The following SLC39A10 variants were observed in gnomAD, a reference collection of about 807,000 sequenced individuals.
The protein encoded by SLC39A10 is zinc transporter ZIP10.
In SLC39A10, 13 loss-of-function variants were observed where a neutral mutation model predicts 65.1. That is an observed-to-expected ratio of 0.20 (90% CI 0.13 to 0.32). The LOEUF is 0.32. SLC39A10 is among the 10% of genes least tolerant of loss of function. The pLI, the probability that SLC39A10 is intolerant of heterozygous loss-of-function variation, is 1.00. For missense variants in SLC39A10, 831 were observed against 1,018.4 expected (o/e 0.82, Z 2.50); for synonymous variants, 321 against 342.2 (o/e 0.94, Z 0.68).
rs955232042 is a variant in SLC39A10 at position 195,659,875 on chromosome 2, T to C, written c.-12+2594T>C. On this transcript the variant is annotated intron_variant, in intron 1 of 9. Coordinates refer to ENST00000359634, the MANE Select transcript of SLC39A10 (RefSeq NM_020342.3). ...TTTCTCCCTCCACTCCCTCCTTGACTACCCCCAGAATGAGCTTTGATGGTC... is the reference window on the plus strand; with the variant it reads ...TTTCTCCCTCCACTCCCTCCTTGACCACCCCCAGAATGAGCTTTGATGGTC... 1.5e-4 allele frequency among the ~76,000 whole-genome samples: 23 copies of C among 152,194 alleles called. 2 individuals are homozygous for C. Among genetic ancestry groups the C allele is most frequent in the Non-Finnish European group, 2.9e-5 (2 of 68,036 alleles).
chr2:195,631,761 A>G (rs992744642), intron 2 of SLC39A10, among the ~76,000 whole-genome samples: 4 of 152,208 alleles, frequency 2.6e-5, no homozygotes, highest in African/African-American at 9.6e-5. Context: ...AACTACTACT[A>G]TATGTACCAT....
At chr2:195,653,491 T>C (rs1274221347), upstream of SLC39A10, among the ~76,000 whole-genome samples, 1 of 152,146 alleles carries the variant, frequency 6.6e-6, no homozygotes, top group Non-Finnish European at 1.5e-5. Flanking sequence ...AGATGGGATT[T>C]TGCCATGTTG....
At chr2:195,627,451 C>T (rs1477273131) in intron 2 of SLC39A10, among the ~76,000 whole-genome samples, 1 of 152,106 alleles carries the variant, frequency 6.6e-6, no homozygotes, top group Admixed American at 6.6e-5. Context: ...TCGAGCCACA[C>T]CAGCTTCCCA....
intron 3 of SLC39A10, among the ~76,000 whole-genome samples, chr2:195,706,102 AAG>A (rs1691387605): frequency 6.6e-6 from 1 of 152,134 alleles, no homozygotes. Flanking sequence ...TACCAGTAAT[AAG>A]ACTTTTTTGT....
intron 1 of SLC39A10, among the ~76,000 whole-genome samples, chr2:195,659,423 C>T (rs1689296275): frequency 6.6e-6 from 1 of 152,106 alleles, no homozygotes; most frequent in Non-Finnish European, 1.5e-5. Context: ...TATGCAAGTA[C>T]TAATCTAGGG....
At chr2:195,723,571 T>C (rs1011173078) in intron 8 of SLC39A10, among the ~76,000 whole-genome samples, 3 of 152,126 alleles carry the variant, frequency 2.0e-5, no homozygotes, top group African/African-American at 7.2e-5. Flanking sequence ...CTGCCGGAAT[T>C]CTGAGACTCC....
At chr2:195,662,604 A>C (rs1290239461) in intron 1 of SLC39A10, among the ~76,000 whole-genome samples, 1 of 152,220 alleles carries the variant, frequency 6.6e-6, no homozygotes, top group Non-Finnish European at 1.5e-5. Context: ...TATAAATAAA[A>C]AGAAACAATT....
chr2:195,661,814 C>G (rs769049278), intron 1 of SLC39A10, among the ~76,000 whole-genome samples: 2 of 152,074 alleles, frequency 1.3e-5, no homozygotes, highest in Non-Finnish European at 2.9e-5. Flanking sequence ...AGGACAAAAT[C>G]TAAAATCTTG....
upstream of SLC39A10, among the ~76,000 whole-genome samples, chr2:195,655,765 A>C (rs1689131855): frequency 6.6e-6 from 1 of 152,202 alleles, no homozygotes. Flanking sequence ...TGGCTTTCCA[A>C]ACAAGGAAAA....
chr2:195,646,146 G>A (rs762959216), intron 2 of SLC39A10, among the ~76,000 whole-genome samples: 9 of 151,990 alleles, frequency 5.9e-5, no homozygotes, highest in African/African-American at 1.5e-4. Context: ...GGATTTTGCC[G>A]TGTTGCCCAG....
chr2:195,687,853 C>CT (rs1690585349), intron 3 of SLC39A10, among the ~76,000 whole-genome samples: 1 of 152,172 alleles, frequency 6.6e-6, no homozygotes, highest in African/African-American at 2.4e-5. Flanking sequence ...TTGACCCTAG[C>CT]TTAATTACCA....
intron 2 of SLC39A10, among the ~76,000 whole-genome samples, chr2:195,642,063 G>T (rs1382222021): frequency 6.6e-6 from 1 of 152,178 alleles, no homozygotes; most frequent in East Asian, 1.9e-4. Flanking sequence ...GATTAGGGCA[G>T]ATATTGTTTG....
intron 1 of SLC39A10, among the ~76,000 whole-genome samples, chr2:195,672,160 T>C (rs1293360547): frequency 6.6e-6 from 1 of 152,206 alleles, no homozygotes; most frequent in Admixed American, 6.5e-5. Flanking sequence ...AGGGTCTTGC[T>C]CTGTCACCCA....
At position 195,716,879 on chromosome 2, in the gene SLC39A10, C is replaced by T. The variant is rs1691833719; in HGVS notation, c.1939C>T (p.His647Tyr). The T allele has an allele frequency of 6.2e-7, 1 of 1,614,174 alleles. No individual in the cohort carries two copies. Among genetic ancestry groups the T allele is most frequent in the South Asian group, 1.1e-5 (1 of 91,084 alleles). ...GCATAATCACCAGTGGCACCACAAGCATTCTCATCATTCCCATGGCCCCTG... is the reference window on the plus strand; with the variant it reads ...GCATAATCACCAGTGGCACCACAAGTATTCTCATCATTCCCATGGCCCCTG... Reference protein sequence around the residue: ...RKHNHQWHHKHSHHSHGPCHS... With the variant: ...RKHNHQWHHKYSHHSHGPCHS... The change falls in exon 7 of 10, where the codon CAT (histidine) becomes TAT (tyrosine). Residue 647 changes from histidine to tyrosine, a missense_variant. This residue lies in a region of SLC39A10 where 230 missense variants were observed against 242.9 expected (regional missense o/e 0.95). Transcript: ENST00000359634.
chr2:195,704,534 T>C (rs1409234035), intron 3 of SLC39A10, among the ~76,000 whole-genome samples: 1 of 152,202 alleles, frequency 6.6e-6, no homozygotes, highest in Non-Finnish European at 1.5e-5. Flanking sequence ...CTCTAAGACC[T>C]CGTGTCTAAA....
intron 9 of SLC39A10, among the ~76,000 whole-genome samples, chr2:195,733,722 G>A (rs769755518): frequency 9.2e-5 from 14 of 151,918 alleles, no homozygotes; most frequent in Non-Finnish European, 2.9e-5. Context: ...TAGAGACGGA[G>A]TTACTCTATG....
chr2:195,650,358 G>A (rs756482493), intron 2 of SLC39A10, among the ~76,000 whole-genome samples: 7 of 151,766 alleles, frequency 4.6e-5, no homozygotes, highest in Non-Finnish European at 1.0e-4. Flanking sequence ...GTGGGCAAAT[G>A]TGTGGTCAAC....
At chr2:195,648,449 C>T (rs537301444) in intron 2 of SLC39A10, among the ~76,000 whole-genome samples, 63 of 151,820 alleles carry the variant, frequency 4.1e-4, no homozygotes, top group Non-Finnish European at 8.1e-4. Flanking sequence ...AGATGGAGGT[C>T]GGCCAATTGC....
At chr2:195,658,956 TAATG>T (rs764947343) in intron 1 of SLC39A10, among the ~76,000 whole-genome samples, 2 of 152,204 alleles carry the variant, frequency 1.3e-5, no homozygotes, top group African/African-American at 2.4e-5. Flanking sequence ...AGTTATGAAA[TAATG>T]AAGATATTAA....
Sources: allele counts gnomAD v4.1 joint callset (sites outside exome capture counted in the v4.1 genomes callset), GRCh38; gene constraint gnomAD v4.1.1; regional missense constraint gnomAD v4.1.1; transcripts MANE v1.5; gene names NCBI Gene and HGNC (gene_info 2026-07-23, HGNC 2026-07-21).